Variants in PRKN observed in about 807,000 individuals in gnomAD.
The protein encoded by PRKN is E3 ubiquitin-protein ligase parkin.
In PRKN, 56 loss-of-function variants were observed where a neutral mutation model predicts 59.5. The observed-to-expected ratio is 0.94, with a 90% CI of 0.76 to 1.18. PRKN has a LOEUF of 1.18. Ranked by LOEUF, PRKN falls within the 50% of genes most tolerant of loss-of-function variation. The pLI, the probability that PRKN is intolerant of heterozygous loss-of-function variation, is 0.00. For missense variants in PRKN, 657 were observed against 596.4 expected (o/e 1.10, Z -1.06); for synonymous variants, 250 against 222.1 (o/e 1.13, Z -1.12).
At chr6:161,569,284 G>A (rs2115479642) in intron 8 of PRKN, 71 bp downstream of exon 8, 1 of 1,411,282 alleles carries the variant, frequency 7.1e-7, no homozygotes, top group East Asian at 2.3e-5. Flanking sequence ...GCCTCCCTGG[G>A]GAGCCCAAAC....
At chr6:161,627,603 A>G (rs542275843) in intron 7 of PRKN, among the ~76,000 whole-genome samples, 1 of 152,376 alleles carries the variant, frequency 6.6e-6, no homozygotes, top group South Asian at 2.1e-4. Flanking sequence ...AGATGGGTGG[A>G]ACCCACACCA....
At chr6:161,750,580 C>G (rs943643523) in intron 7 of PRKN, among the ~76,000 whole-genome samples, 12 of 151,790 alleles carry the variant, frequency 7.9e-5, no homozygotes, top group Admixed American at 7.2e-4. Flanking sequence ...CCGGCCTGAC[C>G]AACATGGTGA....
At chr6:162,493,007 T>C (rs1355770232) in intron 1 of PRKN, among the ~76,000 whole-genome samples, 2 of 150,738 alleles carry the variant, frequency 1.3e-5, no homozygotes, top group African/African-American at 4.9e-5. Flanking sequence ...CATGCACACT[T>C]GTGCTTCCTG....
chr6:162,020,332 CAAAAAAA>C (rs771141235), intron 5 of PRKN, among the ~76,000 whole-genome samples: 1,221 of 45,484 alleles, frequency 0.027, 1 homozygote, highest in Middle Eastern at 0.048. Flanking sequence ...ACCAATGAAT[CAAAAAAA>C]AAAAAAAAAA....
At chr6:162,435,932 T>A (rs746669891) in intron 2 of PRKN, among the ~76,000 whole-genome samples, 10 of 152,168 alleles carry the variant, frequency 6.6e-5, no homozygotes, top group South Asian at 2.1e-4. Flanking sequence ...AAACAAAAAA[T>A]CATGGTGGAA....
intron 6 of PRKN, among the ~76,000 whole-genome samples, chr6:161,936,846 C>T (rs548290480): frequency 1.3e-3 from 199 of 150,912 alleles, no homozygotes; most frequent in Non-Finnish European, 2.3e-3. Flanking sequence ...AGTGCAGTAG[C>T]GTGATCTTGG....
chr6:162,439,881 G>A (rs9356018), intron 2 of PRKN, among the ~76,000 whole-genome samples: 60,240 of 151,864 alleles, frequency 0.4, 13,250 homozygotes, highest in African/African-American at 0.6. Context: ...CATGGTATCA[G>A]TAAGGCTTCC....
chr6:161,523,055 T>C (rs1242644833), intron 9 of PRKN, among the ~76,000 whole-genome samples: 3 of 152,150 alleles, frequency 2.0e-5, no homozygotes, highest in Non-Finnish European at 4.4e-5. Flanking sequence ...GCAAGAAAAA[T>C]ATATTCTTGC....
intron 7 of PRKN, among the ~76,000 whole-genome samples, chr6:161,687,441 A>G (rs377316465): frequency 1.0e-4 from 15 of 147,124 alleles, no homozygotes; most frequent in Admixed American, 6.8e-4. Context: ...AAAATAAGAT[A>G]TATCTTTTTT....
intron 7 of PRKN, among the ~76,000 whole-genome samples, chr6:161,753,872 G>A (rs1046632475): frequency 6.6e-6 from 1 of 152,176 alleles, no homozygotes; most frequent in Non-Finnish European, 1.5e-5. Flanking sequence ...AAAGATGTGT[G>A]CAGTGCAGCC....
Position 162,513,640 on chromosome 6 carries a change from C to G in PRKN, c.8-70167G>C, listed in dbSNP as rs563733280. Among the ~76,000 whole-genome samples the G allele has an allele frequency of 4.0e-4, 61 of 152,196 alleles. 1 individual carries two copies. Among genetic ancestry groups the G allele is most frequent in the Admixed American group, 2.5e-3 (38 of 15,288 alleles). Reference sequence around the variant, plus strand: ...GACTGTCAAAGTTCAAGACGAGTGACTGGAGAAGGTAACTGGACATAAACC... The same window carrying G: ...GACTGTCAAAGTTCAAGACGAGTGAGTGGAGAAGGTAACTGGACATAAACC... On this transcript the variant is annotated intron_variant, in intron 1 of 11. Coordinates refer to ENST00000366898, the MANE Select transcript of PRKN (RefSeq NM_004562.3).
At chr6:162,478,454 G>T (rs1792133079) in intron 1 of PRKN, among the ~76,000 whole-genome samples, 1 of 152,262 alleles carries the variant, frequency 6.6e-6, no homozygotes, top group Non-Finnish European at 1.5e-5. Context: ...CTAACACAGA[G>T]CTTGCAATGG....
intron 1 of PRKN, among the ~76,000 whole-genome samples, chr6:162,646,023 T>C (rs766095772): frequency 2.5e-4 from 38 of 151,952 alleles, no homozygotes; most frequent in Non-Finnish European, 4.4e-4. Context: ...TTCAGGCGCC[T>C]GCCACCACGC....
Position 161,405,216 on chromosome 6 carries a change from G to T in PRKN, c.1084-18339C>A, listed in dbSNP as rs1787209964. ...AGTGACAAGATTTACAATGGGATTT[G>T]GGGGAAAAGTCATTAGTCGTCATTT... On this transcript the variant is annotated intron_variant, in intron 9 of 11. Coordinates refer to ENST00000366898, the MANE Select transcript of PRKN (RefSeq NM_004562.3). This position sits in a 1 kb window ranked among gnomAD's most constrained non-coding sequence, Gnocchi z 5.1. 6.6e-6 allele frequency among the ~76,000 whole-genome samples: 1 copy of T among 152,124 alleles called. No individual in the cohort carries two copies. The highest frequency in any genetic ancestry group is 6.5e-5 in the Admixed American group (1 of 15,276).
At position 162,546,815 on chromosome 6, in the gene PRKN, GA is replaced by G. The variant is rs67770382; in HGVS notation, c.8-103343del. Among the ~76,000 whole-genome samples the G allele has an allele frequency of 6.4e-3, 979 of 152,192 alleles. 18 individuals are homozygous for G. The highest frequency in any genetic ancestry group is 0.023 in the African/African-American group (954 of 41,522). ...ACAGAAGCAAAATACACGCCTAATT[GA>G]AAGACAGTCAGTGTGTCAGACTGAA... On this transcript the variant is annotated intron_variant, in intron 1 of 11. Transcript: ENST00000366898.
chr6:162,009,214 C>T (rs1262008546), intron 5 of PRKN, among the ~76,000 whole-genome samples: 2 of 151,840 alleles, frequency 1.3e-5, no homozygotes, highest in African/African-American at 2.4e-5. Context: ...GATCACGCCA[C>T]TGCACTCTAG....
At chr6:162,109,587 T>C (rs973814048) in intron 4 of PRKN, among the ~76,000 whole-genome samples, 4 of 151,942 alleles carry the variant, frequency 2.6e-5, no homozygotes, top group African/African-American at 9.7e-5. Flanking sequence ...TCAGCAGAAA[T>C]AGGGTGTTTG....
chr6:162,172,547 C>G (rs1253339042), intron 4 of PRKN, among the ~76,000 whole-genome samples: 1 of 152,146 alleles, frequency 6.6e-6, no homozygotes, highest in East Asian at 1.9e-4. Context: ...CAAGTGATTA[C>G]TTTCTTTATT....
chr6:161,375,055 C>G (rs150580828), intron 10 of PRKN, among the ~76,000 whole-genome samples: 1,635 of 152,054 alleles, frequency 0.011, 5 homozygotes, highest in Non-Finnish European at 0.017. Context: ...GACCCGCAGG[C>G]TGTGACCCCT....
Sources: allele counts gnomAD v4.1 joint callset (sites outside exome capture counted in the v4.1 genomes callset), GRCh38; gene constraint gnomAD v4.1.1; non-coding constraint Gnocchi (gnomAD v3.1); transcripts MANE v1.5; gene names NCBI Gene and HGNC (gene_info 2026-07-23, HGNC 2026-07-21).